The following GPM6A variants were observed in gnomAD, a reference collection of about 807,000 sequenced individuals.
GPM6A encodes the protein neuronal membrane glycoprotein M6-a.
A neutral mutation model predicts 32.1 loss-of-function variants in GPM6A; 7 were observed. The ratio of observed to expected loss-of-function variants is 0.22; its 90% CI spans 0.12 to 0.41. GPM6A has a LOEUF of 0.41. Among genes scored for constraint, GPM6A ranks in the 10% least tolerant of loss-of-function variants. The pLI is 1.00. For missense variants in GPM6A, 235 were observed against 347.2 expected (o/e 0.68, Z 2.57); for synonymous variants, 130 against 123.4 (o/e 1.05, Z -0.35).
At chr4:175,675,748 C>A (rs912628838) in intron 2 of GPM6A, among the ~76,000 whole-genome samples, 1 of 152,160 alleles carries the variant, frequency 6.6e-6, no homozygotes, top group Non-Finnish European at 1.5e-5. Flanking sequence ...CTCCTGGACT[C>A]AAGTGATCCT....
intron 1 of GPM6A, among the ~76,000 whole-genome samples, chr4:175,974,925 C>T (rs555533456): frequency 5.3e-5 from 8 of 152,278 alleles, no homozygotes; most frequent in African/African-American, 1.9e-4. Flanking sequence ...CTCAAGTGAT[C>T]TGCCTGCCTC....
At chr4:175,660,064 G>C (rs143392260) in intron 3 of GPM6A, among the ~76,000 whole-genome samples, 2,568 of 152,136 alleles carry the variant, frequency 0.017, 34 homozygotes, top group Middle Eastern at 0.031. Context: ...TGTTGGAAAA[G>C]ATGAGGACAA....
intron 2 of GPM6A, among the ~76,000 whole-genome samples, chr4:175,694,251 T>C (rs1744448807): frequency 1.3e-5 from 2 of 152,140 alleles, no homozygotes; most frequent in African/African-American, 4.8e-5. Flanking sequence ...TACCTGAAAA[T>C]GTGGAAACCT....
At chr4:175,684,107 G>A (rs1293963195) in intron 2 of GPM6A, among the ~76,000 whole-genome samples, 1 of 152,004 alleles carries the variant, frequency 6.6e-6, no homozygotes, top group Non-Finnish European at 1.5e-5. Context: ...GGTATTACAG[G>A]CATGAGCCAC....
At chr4:175,989,559 A>C (rs865825476) in intron 1 of GPM6A, among the ~76,000 whole-genome samples, 19 of 152,154 alleles carry the variant, frequency 1.2e-4, no homozygotes, top group Middle Eastern at 3.2e-3. Context: ...AAATCATGTG[A>C]TCTTTTTAAA....
chr4:175,877,737 C>A (rs1456190590), intron 1 of GPM6A, among the ~76,000 whole-genome samples: 2 of 152,104 alleles, frequency 1.3e-5, no homozygotes. Flanking sequence ...TCATTCTGCC[C>A]CGGCCCCTCC....
chr4:175,851,078 G>A lies in GPM6A; in HGVS notation c.-22-38829C>T, dbSNP rs192528217. On this transcript the variant is annotated intron_variant, in intron 1 of 7. Coordinates refer to the GPM6A transcript ENST00000280187. ...TGTTTTCTGAAGACTGTAGCCTCCA[G>A]CTGGGCATGGTGGCTCATGCCTGTA... Among the ~76,000 whole-genome samples the A allele has an allele frequency of 2.0e-5, 3 of 152,244 alleles. No homozygotes were observed. In the East Asian group the frequency reaches 5.8e-4, roughly 29 times the overall value.
chr4:175,863,344 T>C (rs1025653982), intron 1 of GPM6A, among the ~76,000 whole-genome samples: 3 of 152,264 alleles, frequency 2.0e-5, no homozygotes, highest in Admixed American at 6.5e-5. Context: ...TATGCATAGT[T>C]TTTGTGGATT....
chr4:175,688,511 T>TTA (rs758862389), intron 2 of GPM6A, among the ~76,000 whole-genome samples: 8 of 152,216 alleles, frequency 5.3e-5, no homozygotes, highest in Non-Finnish European at 8.8e-5. Context: ...ATGCTTGAGT[T>TTA]TATTTCTGGG....
At chr4:175,733,296 G>A (rs1417213481) in intron 1 of GPM6A, among the ~76,000 whole-genome samples, 3 of 152,158 alleles carry the variant, frequency 2.0e-5, no homozygotes, top group East Asian at 3.9e-4. Context: ...GAGGTCAAGA[G>A]ATGGAGACCA....
chr4:175,661,637 A>C (rs1742425278), intron 3 of GPM6A, among the ~76,000 whole-genome samples: 1 of 152,300 alleles, frequency 6.6e-6, no homozygotes, highest in South Asian at 2.1e-4. Context: ...ACCTTCAGAA[A>C]GTTGCGCAAG....
At chr4:175,940,247 G>A (rs79681461) in intron 1 of GPM6A, among the ~76,000 whole-genome samples, 2,444 of 152,000 alleles carry the variant, frequency 0.016, 55 homozygotes, top group African/African-American at 0.055. Context: ...ATATGTTTGG[G>A]AGCAGCATCA....
chr4:175,850,860 T>C (rs560548055), intron 1 of GPM6A, among the ~76,000 whole-genome samples: 162 of 150,224 alleles, frequency 1.1e-3, no homozygotes, highest in African/African-American at 3.7e-3. Context: ...TATATGTTTA[T>C]ATATAATTTC....
chr4:175,684,841 C>T (rs960145019), intron 2 of GPM6A, among the ~76,000 whole-genome samples: 1 of 151,528 alleles, frequency 6.6e-6, no homozygotes, highest in East Asian at 1.9e-4. Context: ...TTTGTATTTT[C>T]TTAACTATTT....
intron 4 of GPM6A, among the ~76,000 whole-genome samples, chr4:175,647,521 T>C (rs1410869141): frequency 6.6e-6 from 1 of 152,206 alleles, no homozygotes; most frequent in Admixed American, 6.5e-5. Flanking sequence ...CCATTAGAAC[T>C]GTTCGAAATG....
chr4:175,876,316 TA>T (rs1254018742), intron 1 of GPM6A, among the ~76,000 whole-genome samples: 1 of 152,156 alleles, frequency 6.6e-6, no homozygotes, highest in African/African-American at 2.4e-5. Flanking sequence ...GCTAGAGGAG[TA>T]ATAATATGAC....
chr4:175,880,658 G>A (rs758158638), intron 1 of GPM6A, among the ~76,000 whole-genome samples: 9 of 152,142 alleles, frequency 5.9e-5, no homozygotes, highest in Non-Finnish European at 1.3e-4. Flanking sequence ...AATTGTGAAT[G>A]GGAGTTCACT....
chr4:175,797,514 C>T (rs927030232), intron 1 of GPM6A, among the ~76,000 whole-genome samples: 18 of 152,108 alleles, frequency 1.2e-4, no homozygotes, highest in African/African-American at 4.3e-4. Context: ...TTGTTACATG[C>T]ATTAGCATTT....
chr4:175,776,333 A>T (rs960501249), intron 1 of GPM6A, among the ~76,000 whole-genome samples: 1 of 152,202 alleles, frequency 6.6e-6, no homozygotes, highest in Non-Finnish European at 1.5e-5. Flanking sequence ...TGTAACTGAC[A>T]GTAAGAGCAA....
Sources: allele counts gnomAD v4.1 joint callset (sites outside exome capture counted in the v4.1 genomes callset), GRCh38; gene constraint gnomAD v4.1.1; transcripts MANE v1.5; gene names NCBI Gene and HGNC (gene_info 2026-07-23, HGNC 2026-07-21).